SUSD6: variants seen among roughly 807,000 people sequenced by gnomAD.
SUSD6 encodes sushi domain containing 6.
A neutral mutation model predicts 28.4 loss-of-function variants in SUSD6; 16 were observed. The observed-to-expected ratio is 0.56, with a 90% CI of 0.38 to 0.86. The LOEUF (loss-of-function observed/expected upper bound fraction) is 0.86, where lower values mean the gene tolerates loss of function less well. SUSD6 is among the 40% of genes least tolerant of loss of function. SUSD6 has a pLI of 0.00. For missense variants in SUSD6, 341 were observed against 384.2 expected, an observed-to-expected ratio of 0.89 and a Z score of 0.94; for synonymous variants, 147 against 159.6, an observed-to-expected ratio of 0.92 and a Z score of 0.59.
intron 2 of SUSD6, among the ~76,000 whole-genome samples, chr14:69,697,662 C>G (rs1886245703): frequency 6.6e-6 from 1 of 152,186 alleles, no homozygotes; most frequent in African/African-American, 2.4e-5. Flanking sequence ...TTCTGTTGGA[C>G]AGCTTTGTGC....
intron 2 of SUSD6, among the ~76,000 whole-genome samples, chr14:69,686,397 A>G (rs1305133348): frequency 6.6e-6 from 1 of 152,240 alleles, no homozygotes; most frequent in Non-Finnish European, 1.5e-5. Context: ...TAGGGGGACT[A>G]CCTGCAACAG....
chr14:69,674,595 A>C lies in SUSD6; in HGVS notation c.121+15882A>C, dbSNP rs566593572. The stretch of plus-strand genomic sequence containing the variant: ...CTCTTCCTCCTTGTCTCTTCTGCCC[A>C]CTTTGTCTAGGGTAGCTGGGAATGT... On this transcript the variant is annotated intron_variant, in intron 2 of 5. Coordinates refer to ENST00000342745, the MANE Select transcript of SUSD6 (RefSeq NM_014734.4). Among the ~76,000 whole-genome samples, 260 of 152,182 alleles carry C rather than the reference A, an allele frequency of 1.7e-3. 4 individuals are homozygous for C. The highest frequency in any genetic ancestry group is 6.0e-3 in the African/African-American group (250 of 41,518).
chr14:69,612,189 G>A (rs1884887439), intron 1 of SUSD6, among the ~76,000 whole-genome samples: 1 of 152,088 alleles, frequency 6.6e-6, no homozygotes. Context: ...CGTGCCGATG[G>A]GTGCAGAGGA....
intron 3 of SUSD6, among the ~76,000 whole-genome samples, chr14:69,703,980 C>G (rs930497420): frequency 1.3e-5 from 2 of 152,160 alleles, no homozygotes; most frequent in Non-Finnish European, 2.9e-5. Context: ...GACAAAAGAC[C>G]TCCCACCCTT....
chr14:69,634,453 T>C (rs2139598815), intron 1 of SUSD6, among the ~76,000 whole-genome samples: 1 of 152,370 alleles, frequency 6.6e-6, no homozygotes, highest in East Asian at 1.9e-4. Flanking sequence ...TTGCATGAAA[T>C]TAAAAGCAGT....
chr14:69,663,836 T>C (rs1885697864), intron 2 of SUSD6, among the ~76,000 whole-genome samples: 1 of 152,170 alleles, frequency 6.6e-6, no homozygotes, highest in African/African-American at 2.4e-5. Flanking sequence ...ACCTGTTTTT[T>C]GTATTTCCTG....
intron 2 of SUSD6, among the ~76,000 whole-genome samples, chr14:69,682,839 C>T (rs537815175): frequency 5.3e-5 from 8 of 152,210 alleles, no homozygotes; most frequent in African/African-American, 1.9e-4. Flanking sequence ...CCTTTTTTCC[C>T]CTGCAGCCCT....
At chr14:69,636,343 G>A (rs1261483793) in intron 1 of SUSD6, among the ~76,000 whole-genome samples, 1 of 152,170 alleles carries the variant, frequency 6.6e-6, no homozygotes, top group African/African-American at 2.4e-5. Context: ...TACCTCCTGA[G>A]GTGAGACCAA....
Position 69,621,525 on chromosome 14 carries a change from T to G in SUSD6, c.-81+9697T>G, listed in dbSNP as rs539426956. Among the ~76,000 whole-genome samples, 10 of 152,288 alleles carry G rather than the reference T, an allele frequency of 6.6e-5. No homozygotes were observed. In the Middle Eastern group the frequency reaches 0.01, roughly 155 times the overall value. On this transcript the variant is annotated intron_variant, in intron 1 of 5. Transcript: ENST00000342745. ...TCAGAAACAAACTATAGGGTCCCCT[T>G]ATTATGGGGCTGAAGACCAGAAAGT...
At chr14:69,661,561 C>T (rs952260809) in intron 2 of SUSD6, among the ~76,000 whole-genome samples, 1 of 152,156 alleles carries the variant, frequency 6.6e-6, no homozygotes, top group Non-Finnish European at 1.5e-5. Flanking sequence ...AGGGGTTCAC[C>T]TTTGCTTAGA....
At chr14:69,682,550 A>T (rs1408731387) in intron 2 of SUSD6, among the ~76,000 whole-genome samples, 1 of 152,200 alleles carries the variant, frequency 6.6e-6, no homozygotes, top group East Asian at 1.9e-4. Context: ...CAATTAAAAA[A>T]AAACAGAGTA....
chr14:69,640,881 G>A (rs975718665), intron 1 of SUSD6, among the ~76,000 whole-genome samples: 2 of 152,200 alleles, frequency 1.3e-5, no homozygotes, highest in Non-Finnish European at 2.9e-5. Flanking sequence ...ACGTTCTGAG[G>A]ACATAGATAT....
intron 1 of SUSD6, among the ~76,000 whole-genome samples, chr14:69,623,551 C>T (rs978439530): frequency 6.6e-6 from 1 of 152,074 alleles, no homozygotes; most frequent in Non-Finnish European, 1.5e-5. Context: ...GACTGTACTC[C>T]TTCTACTTAG....
chr14:69,643,071 G>A (rs778771692), intron 1 of SUSD6, among the ~76,000 whole-genome samples: 2 of 152,180 alleles, frequency 1.3e-5, no homozygotes, highest in Non-Finnish European at 2.9e-5. Flanking sequence ...GGAGTTAAGT[G>A]GGGCAGTAGT....
chr14:69,683,971 C>G (rs1191416973), intron 2 of SUSD6, among the ~76,000 whole-genome samples: 1 of 152,156 alleles, frequency 6.6e-6, no homozygotes, highest in Non-Finnish European at 1.5e-5. Context: ...GCCCAGTGGC[C>G]TTCTGCAGTC....
At chr14:69,626,769 T>C (rs1262128508) in intron 1 of SUSD6, among the ~76,000 whole-genome samples, 3 of 151,954 alleles carry the variant, frequency 2.0e-5, no homozygotes. Context: ...AGCTTCGAAC[T>C]CCTGGACTTA....
chr14:69,628,038 A>ATTC (rs1243355420), intron 1 of SUSD6, among the ~76,000 whole-genome samples: 1 of 151,252 alleles, frequency 6.6e-6, no homozygotes, highest in Non-Finnish European at 1.5e-5. Context: ...GGTTCAAGCG[A>ATTC]TTCTTCTGCC....
chr14:69,618,069 C>T (rs1003632782), intron 1 of SUSD6, among the ~76,000 whole-genome samples: 5 of 152,146 alleles, frequency 3.3e-5, no homozygotes, highest in Non-Finnish European at 7.4e-5. Flanking sequence ...TCATGCCAAC[C>T]ATATTAATGA....
chr14:69,643,185 T>C (rs1278036174), intron 1 of SUSD6, among the ~76,000 whole-genome samples: 1 of 152,190 alleles, frequency 6.6e-6, no homozygotes, highest in South Asian at 2.1e-4. Context: ...TTCAGTTGTT[T>C]AGGGAAGGAG....
Sources: allele counts gnomAD v4.1 joint callset (sites outside exome capture counted in the v4.1 genomes callset), GRCh38; gene constraint gnomAD v4.1.1; transcripts MANE v1.5; gene names NCBI Gene and HGNC (gene_info 2026-07-23, HGNC 2026-07-21).